Variants in PEBP4 observed in about 807,000 individuals in gnomAD.
PEBP4 encodes the protein phosphatidylethanolamine-binding protein 4.
In PEBP4, 22 loss-of-function variants were observed where a neutral mutation model predicts 23.9. The observed-to-expected ratio is 0.92, with a 90% CI of 0.66 to 1.31. The LOEUF (loss-of-function observed/expected upper bound fraction) is 1.31. Among genes scored for constraint, PEBP4 ranks in the 40% most tolerant of loss-of-function variants. The pLI, the probability that PEBP4 is intolerant of heterozygous loss-of-function variation, is 0.00. For missense variants in PEBP4, 324 were observed against 281.7 expected, an observed-to-expected ratio of 1.15 and a Z score of -1.07; for synonymous variants, 112 against 99.3, an observed-to-expected ratio of 1.13 and a Z score of -0.76.
intron 4 of PEBP4, among the ~76,000 whole-genome samples, chr8:22,731,875 C>T (rs1291491589): frequency 6.6e-6 from 1 of 151,252 alleles, no homozygotes; most frequent in Admixed American, 6.6e-5. Context: ...CGGGGTTTCA[C>T]CGTGTTAGCC....
rs112819774 is a variant in PEBP4, at chr8:22,723,965, G to A, written c.517+878C>T. On this transcript the variant is annotated intron_variant, in intron 6 of 6. Coordinates refer to ENST00000256404, the MANE Select transcript of PEBP4 (RefSeq NM_144962.3). ...GTTTGGTCGAGGTCACTGGGTGAGAGGAAATGGCTGACGACACCCACCCTC... is the reference window on the plus strand; with the variant it reads ...GTTTGGTCGAGGTCACTGGGTGAGAAGAAATGGCTGACGACACCCACCCTC... 2.3e-3 allele frequency among the ~76,000 whole-genome samples: 353 copies of A among 152,318 alleles called. 1 individual carries two copies. Among genetic ancestry groups the A allele is most frequent in the African/African-American group, 7.9e-3 (328 of 41,578 alleles).
intron 3 of PEBP4, among the ~76,000 whole-genome samples, chr8:22,897,203 C>A (rs943336449): frequency 2.0e-5 from 3 of 152,048 alleles, no homozygotes; most frequent in Non-Finnish European, 4.4e-5. Flanking sequence ...TCCTCCTCTT[C>A]CATCTTCTTT....
At chr8:22,887,108 G>GTGTGTC (rs1808396997) in intron 3 of PEBP4, 1 of 148,350 alleles carries the variant, frequency 6.7e-6, no homozygotes, top group Non-Finnish European at 1.5e-5. Context: ...GTGTGTGTGT[G>GTGTGTC]TGTGTGTGTA....
In PEBP4 at chr8:22,940,488, C is replaced by CTTT. The variant is rs776524289; in HGVS notation, c.145-12769_145-12768insAAA. Among the ~76,000 whole-genome samples the CTTT allele has an allele frequency of 3.3e-4, 19 of 57,376 alleles. No homozygotes were observed. In the East Asian group the frequency reaches 4.4e-3, roughly 13 times the overall value. 37.6% of individuals were successfully genotyped at this position (57,376 alleles called of 152,430 possible). A position where few individuals can be genotyped will look rare whatever the true frequency, so the allele number is the denominator to read the frequency against. On this transcript the variant is annotated intron_variant, in intron 1 of 1. Coordinates refer to the PEBP4 transcript ENST00000522278. ...GAAACACCACCTTTACCATGAATTT[C>CTTT]TCTTTTTTTTTTTTTTTCGAGACGG...
intron 4 of PEBP4, among the ~76,000 whole-genome samples, chr8:22,799,236 G>A (rs941811509): frequency 6.6e-6 from 1 of 152,090 alleles, no homozygotes; most frequent in African/African-American, 2.4e-5. Flanking sequence ...GTCATTGTGC[G>A]GTAGCTTCCT....
At chr8:22,889,581 G>T (rs78334429) in intron 3 of PEBP4, among the ~76,000 whole-genome samples, 1 of 152,222 alleles carries the variant, frequency 6.6e-6, no homozygotes, top group Non-Finnish European at 1.5e-5. Context: ...AGGTAATGCC[G>T]TAAATTACAG....
chr8:22,833,626 G>A (rs1419359752), intron 3 of PEBP4, among the ~76,000 whole-genome samples: 4 of 152,142 alleles, frequency 2.6e-5, no homozygotes, highest in Admixed American at 6.5e-5. Flanking sequence ...ATATGATTTC[G>A]AATGTGGGTT....
chr8:22,797,811 G>C (rs1563219491), intron 4 of PEBP4, among the ~76,000 whole-genome samples: 1 of 152,182 alleles, frequency 6.6e-6, no homozygotes, highest in Non-Finnish European at 1.5e-5. Flanking sequence ...TCAGTGTCCT[G>C]AGATGAGCGT....
chr8:22,926,887 C>T (rs1438455878), intron 2 of PEBP4, among the ~76,000 whole-genome samples: 1 of 152,218 alleles, frequency 6.6e-6, no homozygotes, highest in Non-Finnish European at 1.5e-5. Context: ...CCCTCCTCAG[C>T]CACCAAACTG....
chr8:22,785,774 TC>T (rs1393967917), intron 4 of PEBP4, among the ~76,000 whole-genome samples: 4 of 152,182 alleles, frequency 2.6e-5, no homozygotes, highest in African/African-American at 4.8e-5. Context: ...GAGAAGCTTG[TC>T]AATGACTGTG....
chr8:22,800,919 C>T (rs1373263795), intron 4 of PEBP4, among the ~76,000 whole-genome samples: 2 of 152,014 alleles, frequency 1.3e-5, no homozygotes, highest in African/African-American at 4.8e-5. Flanking sequence ...TGAATATATG[C>T]CCCCCTTTTC....
intron 4 of PEBP4, among the ~76,000 whole-genome samples, chr8:22,792,257 C>G (rs1806154793): frequency 6.6e-6 from 1 of 152,112 alleles, no homozygotes; most frequent in African/African-American, 2.4e-5. Context: ...CTCCCTTAAT[C>G]CAGGAGAGAC....
chr8:22,713,410 T>C lies in PEBP4; in HGVS notation c.644A>G (p.Glu215Gly). 1.2e-6 allele frequency: 2 copies of C among 1,609,584 alleles called. No individual in the cohort carries two copies. Among genetic ancestry groups the C allele is most frequent in the Non-Finnish European group, 1.7e-6 (2 of 1,178,338 alleles). Reference protein sequence around the residue: ...TLQAPRERASEPKHKNQAEIA... With the variant: ...TLQAPRERASGPKHKNQAEIA... ...CTCCGCCTGGTTTTTGTGCTTGGGC[T>C]CGCTGGCCCTTTCTCTGGGAGCCTG... The change falls in exon 7 of 7, where the codon GAG (glutamate) becomes GGG (glycine). Residue 215 changes from glutamate to glycine, a missense_variant. Transcript: ENST00000256404.
In PEBP4 at chr8:22,865,483, C is replaced by CG. The variant is rs1807872377; in HGVS notation, c.259-47749_259-47748insC. Among the ~76,000 whole-genome samples, 3 of 151,666 alleles carry CG rather than the reference C, an allele frequency of 2.0e-5. No homozygotes were observed. Among genetic ancestry groups the CG allele is most frequent in the Non-Finnish European group, 2.9e-5 (2 of 67,840 alleles). On this transcript the variant is annotated intron_variant, in intron 3 of 6. Coordinates refer to ENST00000256404, the MANE Select transcript of PEBP4 (RefSeq NM_144962.3). The surrounding 1 kb of genome is among the most constrained non-coding windows in gnomAD (Gnocchi z 6.9). ...CGCCGCGAGGTGGAGCGCGCCACCG[C>CG]CCCCCCGGCCGCGCAGCGAGAAGGA...
chr8:22,885,702 C>A (rs937961594), intron 3 of PEBP4: 3 of 152,258 alleles, frequency 2.0e-5, no homozygotes, highest in Admixed American at 6.5e-5. Flanking sequence ...AGTGAAGCTA[C>A]TCTGCCCAAG....
rs1160146620 is a variant in PEBP4 at position 22,753,911 on chromosome 8, C to T, written c.358-26691G>A. Reference sequence around the variant, plus strand: ...CATCTGTCTGGGTGTGAGTGGGGCCCCTCCCCACAACCTCTGCTGATTCTA... The same window carrying T: ...CATCTGTCTGGGTGTGAGTGGGGCCTCTCCCCACAACCTCTGCTGATTCTA... On this transcript the variant is annotated intron_variant, in intron 4 of 6. Coordinates refer to ENST00000256404, the MANE Select transcript of PEBP4 (RefSeq NM_144962.3). Among the ~76,000 whole-genome samples the T allele has an allele frequency of 2.0e-5, 3 of 152,106 alleles. No homozygotes were observed. The East Asian group carries it at 5.8e-4, about 29-fold the overall frequency.
chr8:22,797,062 C>T (rs1563219251), intron 4 of PEBP4, among the ~76,000 whole-genome samples: 1 of 151,734 alleles, frequency 6.6e-6, no homozygotes, highest in Non-Finnish European at 1.5e-5. Flanking sequence ...TTGAGACCAG[C>T]CTGACCAACA....
intron 4 of PEBP4, among the ~76,000 whole-genome samples, chr8:22,777,069 T>C (rs1167723710): frequency 6.6e-6 from 1 of 151,292 alleles, no homozygotes; most frequent in Non-Finnish European, 1.5e-5. Flanking sequence ...AGGAGGTGAG[T>C]GTGCAGAGAA....
intron 3 of PEBP4, among the ~76,000 whole-genome samples, chr8:22,906,807 C>A (rs1281397184): frequency 6.6e-6 from 1 of 152,174 alleles, no homozygotes. Flanking sequence ...GTGAATAAAC[C>A]AGACAAAGAT....
Sources: gnomAD v4.1 joint callset for allele counts (sites outside exome capture counted in the v4.1 genomes callset) on GRCh38, gnomAD v4.1.1 for gene constraint, Gnocchi (gnomAD v3.1) non-coding constraint, MANE v1.5 for transcripts, NCBI Gene and HGNC (gene_info 2026-07-23, HGNC 2026-07-21) for gene names.